DDX49: variants seen among roughly 807,000 people sequenced by gnomAD.
DDX49 encodes probable ATP-dependent RNA helicase DDX49.
In DDX49, 50 loss-of-function variants were observed where a neutral mutation model predicts 56.3. The ratio of observed to expected loss-of-function variants is 0.89; its 90% CI spans 0.71 to 1.12. DDX49 has a LOEUF of 1.12. Among genes scored for constraint, DDX49 ranks in the 50% most tolerant of loss-of-function variants. The pLI is 0.00. For synonymous variants in DDX49, 269 were observed against 270.6 expected (o/e 0.99, Z 0.06); for missense variants, 614 against 650.5 (o/e 0.94, Z 0.61).
chr19:18,927,030 G>C (rs868522306), intron 10 of DDX49, among the ~76,000 whole-genome samples: 1 of 139,036 alleles, frequency 7.2e-6, no homozygotes, highest in South Asian at 2.3e-4. Flanking sequence ...CCAAGGTCGC[G>C]CCATTACGCT....
chr19:18,922,563 C>T (rs764677718), intron 5 of DDX49, 41 bp from the exon 6 acceptor site: 1 of 1,600,320 alleles, frequency 6.2e-7, no homozygotes, highest in Admixed American at 1.7e-5. Context: ...ATCCTACAGA[C>T]AGGGACACTG....
Position 18,922,346 on chromosome 19 carries a change from G to A in DDX49, c.468G>A (p.Arg156=). The A allele has an allele frequency of 1.2e-6, 2 of 1,611,488 alleles. No homozygotes were observed. Among genetic ancestry groups the A allele is most frequent in the Non-Finnish European group, 1.7e-6 (2 of 1,179,614 alleles). The change falls in exon 5 of 13, where the codon CGG becomes CGA. Residue 156 remains arginine, a synonymous_variant. Transcript: ENST00000247003. ...IRFLVMDEAD[R]LLEQGCTDFT... The stretch of plus-strand genomic sequence containing the variant: ...GGCAGGTGATGGATGAGGCAGACCG[G>A]CTGCTGGAACAGGGCTGCACTGACT...
chr19:18,927,728 C>A lies in DDX49; in HGVS notation c.1103-38C>A, dbSNP rs762108488. The A allele has an allele frequency of 2.5e-6, 4 of 1,574,014 alleles. No homozygotes were observed. The East Asian group carries it at 9.0e-5, about 35-fold the overall frequency. On this transcript the variant is annotated intron_variant, in intron 10 of 12. Coordinates refer to ENST00000247003, the MANE Select transcript of DDX49 (RefSeq NM_019070.5). ...TGAACTCCCTCTCCATGTCACGTCT[C>A]CTCCCCACCCCCACCCCCGGCTTTG...
intron 4 of DDX49, 54 bp downstream of exon 4, chr19:18,922,018 C>G (rs947037023): frequency 3.2e-5 from 50 of 1,559,708 alleles, no homozygotes; most frequent in Non-Finnish European, 4.3e-5. Flanking sequence ...AGCCTCCAGG[C>G]CCAATGTCAG....
chr19:18,925,741 G>A (rs2056955962), intron 9 of DDX49, among the ~76,000 whole-genome samples: 2 of 152,190 alleles, frequency 1.3e-5, no homozygotes, highest in African/African-American at 2.4e-5. Flanking sequence ...GGGGCATGGT[G>A]TCCATGAGAT....
chr19:18,928,559 C>G lies in DDX49; in HGVS notation c.*243C>G. The G allele has an allele frequency of 1.9e-6, 1 of 518,850 alleles. No individual in the cohort carries two copies. The highest frequency in any genetic ancestry group is 3.3e-5 in the East Asian group (1 of 30,586). 32.1% of individuals were successfully genotyped at this position (518,850 alleles called of 1,614,324 possible). A position where few individuals can be genotyped will look rare whatever the true frequency, so the allele number is the denominator to read the frequency against. The stretch of plus-strand genomic sequence containing the variant: ...AGAACATGACCGGGAGGTTGTGACC[C>G]CAACCCAAGGTCACCCCCCAGGGGT... On this transcript the variant is annotated 3_prime_UTR_variant, in exon 13 of 13. Coordinates refer to ENST00000247003, the MANE Select transcript of DDX49 (RefSeq NM_019070.5).
At chr19:18,923,103 G>C (rs1378312547) in intron 6 of DDX49, among the ~76,000 whole-genome samples, 1 of 152,206 alleles carries the variant, frequency 6.6e-6, no homozygotes, top group Non-Finnish European at 1.5e-5. Flanking sequence ...GAGACCCCTG[G>C]GGAGGGCAGT....
chr19:18,927,880 T>C, intron 11 of DDX49, 26 bp downstream of exon 11: 3 of 1,613,850 alleles, frequency 1.9e-6, no homozygotes, highest in Non-Finnish European at 2.5e-6. Flanking sequence ...GGGCAGGAAC[T>C]AAAGTGCTCT....
In DDX49 at chr19:18,920,831, T is replaced by C. The variant is rs941474607; in HGVS notation, c.239+128T>C. 3 of 981,306 alleles carry C rather than the reference T, an allele frequency of 3.1e-6. No homozygotes were observed. In the African/African-American group the frequency reaches 4.9e-5, roughly 16 times the overall value. The allele number at this position is 981,306 out of a possible 1,614,324, so 60.8% of individuals were successfully genotyped here. ...CATGAAAATCTTGCTACCCGCTTCTTAGGGGTCCTGCAGAATTAAACAAGA... is the reference window on the plus strand; with the variant it reads ...CATGAAAATCTTGCTACCCGCTTCTCAGGGGTCCTGCAGAATTAAACAAGA... On this transcript the variant is annotated intron_variant, in intron 2 of 12. Transcript: ENST00000247003.
chr19:18,928,467 C>A lies in DDX49; in HGVS notation c.*151C>A. Reference sequence around the variant, plus strand: ...CTCGTGTTGTGCGGGCCCTGCTCCTCTGCCCCGAAACCACTGGCTGGTCCC... The same window carrying A: ...CTCGTGTTGTGCGGGCCCTGCTCCTATGCCCCGAAACCACTGGCTGGTCCC... On this transcript the variant is annotated 3_prime_UTR_variant, in exon 13 of 13. Coordinates refer to ENST00000247003, the MANE Select transcript of DDX49 (RefSeq NM_019070.5). 1 of 745,488 alleles carries A rather than the reference C, an allele frequency of 1.3e-6. No homozygotes were observed. 46.2% of individuals were successfully genotyped at this position (745,488 alleles called of 1,614,324 possible).
At position 18,921,883 on chromosome 19, in the gene DDX49, C is replaced by T. The variant is rs368695126; in HGVS notation, c.366C>T (p.His122=). ...AQALELSRKP[H]VVIATPGRLA... ...CGCTGGAGCTCTCTCGGAAACCACA[C>T]GTGGTCATCGCCACGCCGGGGCGCC... is the stretch of plus-strand genomic sequence containing the variant. Residue 122 remains histidine, a synonymous_variant, in exon 4 of 13, where the codon CAC becomes CAT. Coordinates refer to ENST00000247003, the MANE Select transcript of DDX49 (RefSeq NM_019070.5). 9.3e-6 allele frequency: 15 copies of T among 1,613,900 alleles called. 1 individual carries two copies. The highest frequency in any genetic ancestry group is 5.5e-5 in the South Asian group (5 of 91,092).
chr19:18,924,359 C>A (rs770179786), intron 7 of DDX49, 51 bp downstream of exon 7: 1 of 1,548,462 alleles, frequency 6.5e-7, no homozygotes, highest in Non-Finnish European at 8.9e-7. Context: ...CCTTCCCCGC[C>A]TCAGACATTG....
Position 18,922,477 on chromosome 19 carries a change from C to A in DDX49, c.599C>A (p.Ala200Asp). ...TDTLRELQGL[A>D]TNQPFFWEAQ... ...ACACTCCGGGAGCTGCAGGGTCTGG[C>A]CACCAACCAGCCCTTCTTCTGGGAA... Residue 200 changes from alanine (A) to aspartate (D), a missense_variant, in exon 5 of 13, where the codon GCC becomes GAC. Physicochemically the swap from Ala to Asp is moderately radical, Grantham distance 126. Coordinates refer to ENST00000247003, the MANE Select transcript of DDX49 (RefSeq NM_019070.5). The A allele has an allele frequency of 6.2e-7, 1 of 1,600,574 alleles. No individual in the cohort carries two copies. Among genetic ancestry groups the A allele is most frequent in the Non-Finnish European group, 8.5e-7 (1 of 1,176,578 alleles).
chr19:18,922,145 G>T, intron 4 of DDX49, 181 bp downstream of exon 4: 1 of 1,166,442 alleles, frequency 8.6e-7, no homozygotes, highest in Non-Finnish European at 1.2e-6. Flanking sequence ...CCCAGTCCTA[G>T]CAATGTTATT....
chr19:18,922,710 G>A lies in DDX49; in HGVS notation c.742G>A (p.Asp248Asn). 1 of 1,613,900 alleles carries A rather than the reference G, an allele frequency of 6.2e-7. No individual in the cohort carries two copies. Among genetic ancestry groups the A allele is most frequent in the Non-Finnish European group, 8.5e-7 (1 of 1,180,002 alleles). ...CCAGCGCTTCCAGGATGAGCACGAG[G>A]ACTGGTCCATTATCATCTTCACCAA... ...LIQRFQDEHE[D>N]WSIIIFTNTC... The change falls in exon 6 of 13, where the codon GAC becomes AAC. Residue 248 changes from aspartate (D) to asparagine (N), a missense_variant. Coordinates refer to ENST00000247003, the MANE Select transcript of DDX49 (RefSeq NM_019070.5).
In DDX49 at chr19:18,926,336, A is replaced by AGTAC. The variant is rs2056960621; in HGVS notation, c.1063_1066dup (p.Asp356ValfsTer42). On this transcript the variant is annotated frameshift_variant, in exon 10 of 13. Coordinates refer to ENST00000247003, the MANE Select transcript of DDX49 (RefSeq NM_019070.5). LOFTEE classifies it high-confidence loss of function. ...GGTCAGGCCATCACGCTGGTGACAC[A>AGTAC]GTACGACATCCACCTGGTGCACGCC... 6.9e-7 allele frequency: 1 copy of AGTAC among 1,459,362 alleles called. No individual in the cohort carries two copies. Among genetic ancestry groups the AGTAC allele is most frequent in the Non-Finnish European group, 9.2e-7 (1 of 1,087,538 alleles). The allele number at this position is 1,459,362 out of a possible 1,614,324, so 90.4% of individuals were successfully genotyped here.
Position 18,927,869 on chromosome 19 carries a change from C to T in DDX49, c.1191+15C>T, listed in dbSNP as rs750027013. On this transcript the variant is annotated intron_variant, in intron 11 of 12. Transcript: ENST00000247003. ...AGTGTGAGATCGTGAGTGTCAGAGGCGGGCAGGAACTAAAGTGCTCTCCAG... is the reference window on the plus strand; with the variant it reads ...AGTGTGAGATCGTGAGTGTCAGAGGTGGGCAGGAACTAAAGTGCTCTCCAG... 9.9e-6 allele frequency: 16 copies of T among 1,613,782 alleles called. No homozygotes were observed. The highest frequency in any genetic ancestry group is 8.9e-5 in the East Asian group (4 of 44,864).
chr19:18,924,935 T>A lies in DDX49; in HGVS notation c.983T>A (p.Leu328His). ...QVVINHNTPGLPKIYIHRVGR... is the reference protein window; with the variant it reads ...QVVINHNTPGHPKIYIHRVGR... ...GTCATCAACCACAACACCCCCGGGC[T>A]CCCCAAGATCTACATCCACCGAGTC... The change falls in exon 9 of 13, where the codon CTC becomes CAC. Residue 328 changes from leucine to histidine, a missense_variant. Leu to His is a moderately conservative substitution (Grantham distance 99, BLOSUM62 -3). Transcript: ENST00000247003. 1 of 1,610,768 alleles carries A rather than the reference T, an allele frequency of 6.2e-7. No individual in the cohort carries two copies. Among genetic ancestry groups the A allele is most frequent in the Non-Finnish European group, 8.5e-7 (1 of 1,179,282 alleles).
intron 1 of DDX49, among the ~76,000 whole-genome samples, chr19:18,920,170 A>G (rs971338246): frequency 6.6e-6 from 1 of 152,158 alleles, no homozygotes; most frequent in Admixed American, 6.6e-5. Flanking sequence ...TATTTTACAA[A>G]TAGAAGTTGA....
Sources: allele counts gnomAD v4.1 joint callset (sites outside exome capture counted in the v4.1 genomes callset), GRCh38; gene constraint gnomAD v4.1.1; transcripts MANE v1.5; gene names NCBI Gene and HGNC (gene_info 2026-07-23, HGNC 2026-07-21).